CXADR: variants seen among roughly 807,000 people sequenced by gnomAD.
CXADR encodes coxsackievirus and adenovirus receptor.
In CXADR, 20 loss-of-function variants were observed where a neutral mutation model predicts 40.3. The observed-to-expected ratio is 0.50, with a 90% CI of 0.35 to 0.72. CXADR has a LOEUF of 0.72. Ranked by LOEUF, CXADR falls within the 30% of genes least tolerant of loss-of-function variation. The pLI is 0.01. For synonymous variants in CXADR, 150 were observed against 161.3 expected, an observed-to-expected ratio of 0.93 and a Z score of 0.53; for missense variants, 332 against 449.1, an observed-to-expected ratio of 0.74 and a Z score of 2.36.
chr21:17,527,432 A>T (rs919306428), intron 1 of CXADR, among the ~76,000 whole-genome samples: 2 of 152,222 alleles, frequency 1.3e-5, no homozygotes, highest in South Asian at 4.1e-4. Flanking sequence ...AATATTTCTG[A>T]TAAGCAGCCT....
chr21:17,575,266 C>T (rs1194464656), intron 7 of CXADR, among the ~76,000 whole-genome samples: 1 of 151,926 alleles, frequency 6.6e-6, no homozygotes, highest in Non-Finnish European at 1.5e-5. Context: ...CTCACTGCAG[C>T]CTCGATCTTC....
downstream of CXADR, among the ~76,000 whole-genome samples, chr21:17,596,039 A>G (rs1569172458): frequency 6.6e-6 from 1 of 151,824 alleles, no homozygotes; most frequent in East Asian, 1.9e-4. Flanking sequence ...CATTCACATA[A>G]CTCCTTTTGT....
rs544944037 is a variant in CXADR, at chr21:17,591,580, TTAA to T, written c.1018-1570_1018-1568del. The stretch of plus-strand genomic sequence containing the variant: ...ACCAGAAATAAGCACTGCTTTAGTA[TTAA>T]TGTGATAGAACTTACTAAAACTTTT... On this transcript the variant is annotated intron_variant, in intron 7 of 7. Transcript: ENST00000400169. Among the ~76,000 whole-genome samples, 131 of 151,736 alleles carry T rather than the reference TTAA, an allele frequency of 8.6e-4. 1 individual carries two copies. The highest frequency in any genetic ancestry group is 3.1e-3 in the African/African-American group (128 of 41,538).
chr21:17,520,267 A>C (rs1013726128), intron 1 of CXADR, among the ~76,000 whole-genome samples: 17 of 152,176 alleles, frequency 1.1e-4, no homozygotes, highest in Non-Finnish European at 2.2e-4. Context: ...TTCCAGTCAG[A>C]TGGTACAGCT....
chr21:17,552,454 T>C (rs940325542), intron 3 of CXADR, among the ~76,000 whole-genome samples: 1 of 152,212 alleles, frequency 6.6e-6, no homozygotes, highest in African/African-American at 2.4e-5. Context: ...TTCACTGATA[T>C]CTTATAGCCC....
the CXADR span, among the ~76,000 whole-genome samples, chr21:17,629,314 A>G: frequency 6.7e-6 from 1 of 150,212 alleles, no homozygotes; most frequent in African/African-American, 2.5e-5. Flanking sequence ...TGGGAGGCGG[A>G]GAGTGCAGTG....
chr21:17,629,369 G>A, the CXADR span, among the ~76,000 whole-genome samples: 1 of 135,356 alleles, frequency 7.4e-6, no homozygotes, highest in Non-Finnish European at 1.5e-5. Context: ...GACAGAGAGA[G>A]AGAGAGAGAC....
At chr21:17,593,988 C>T (rs2061469526), downstream of CXADR, 3 of 1,316,432 alleles carry the variant, frequency 2.3e-6, no homozygotes, top group South Asian at 4.9e-5. Context: ...GATGGTTTGG[C>T]CCATCTAACT....
the CXADR span, chr21:17,598,603 G>C: frequency 2.5e-6 from 4 of 1,611,172 alleles, no homozygotes; most frequent in South Asian, 4.4e-5. Flanking sequence ...AAACTGAGCT[G>C]TTTTCATGGT....
At chr21:17,530,743 G>T (rs984305570) in intron 1 of CXADR, among the ~76,000 whole-genome samples, 1 of 152,182 alleles carries the variant, frequency 6.6e-6, no homozygotes, top group Non-Finnish European at 1.5e-5. Flanking sequence ...GAGCCCAGGA[G>T]GCAGAGGTTG....
In CXADR at chr21:17,529,795, T is replaced by C. The variant is rs567266193; in HGVS notation, c.43+16623T>C. 3.4e-4 allele frequency among the ~76,000 whole-genome samples: 52 copies of C among 152,252 alleles called. 1 individual carries two copies. The South Asian group carries it at 9.8e-3, about 29-fold the overall frequency. ...CAGACTACCACACAGTTTAGACCATTAATTTTTATAAACGTACAGGGTAGA... is the reference window on the plus strand; with the variant it reads ...CAGACTACCACACAGTTTAGACCATCAATTTTTATAAACGTACAGGGTAGA... On this transcript the variant is annotated intron_variant, in intron 1 of 6. Coordinates refer to ENST00000284878, the MANE Select transcript of CXADR (RefSeq NM_001338.5).
intron 1 of CXADR, chr21:17,518,535 C>G (rs2060489602): frequency 1.0e-6 from 1 of 992,856 alleles, no homozygotes; most frequent in African/African-American, 1.6e-5. Context: ...CAGCTTCATT[C>G]TTTGATGCCT....
chr21:17,579,605 G>A (rs1365667005), intron 7 of CXADR, among the ~76,000 whole-genome samples: 1 of 152,030 alleles, frequency 6.6e-6, no homozygotes, highest in Non-Finnish European at 1.5e-5. Context: ...TCTTTATGAT[G>A]TATAGGTGAG....
the CXADR span, among the ~76,000 whole-genome samples, chr21:17,628,212 G>C: frequency 3.3e-5 from 5 of 152,080 alleles, no homozygotes; most frequent in African/African-American, 1.2e-4. Flanking sequence ...TTTTAGTCAG[G>C]GTTCTCCAGA....
In CXADR at chr21:17,580,506, G is replaced by A. The variant is rs137936090; in HGVS notation, c.1018-12646G>A. Among the ~76,000 whole-genome samples, 1,023 of 152,208 alleles carry A rather than the reference G, an allele frequency of 6.7e-3. 11 individuals are homozygous for A. Among genetic ancestry groups the A allele is most frequent in the South Asian group, 0.02 (97 of 4,812 alleles). On this transcript the variant is annotated intron_variant, in intron 7 of 7. Coordinates refer to the CXADR transcript ENST00000400169. Reference sequence around the variant, plus strand: ...GGTGGCAGGCGCCAGATACTTGGGAGGCTGAAGTAGGAGGATCACCTGAGC... The same window carrying A: ...GGTGGCAGGCGCCAGATACTTGGGAAGCTGAAGTAGGAGGATCACCTGAGC...
the CXADR span, among the ~76,000 whole-genome samples, chr21:17,632,422 C>T: frequency 6.6e-6 from 1 of 152,160 alleles, no homozygotes; most frequent in South Asian, 2.1e-4. Flanking sequence ...ATAAAAAGAA[C>T]AGATAAGGAA....
chr21:17,583,293 T>G (rs1052432310), intron 7 of CXADR, among the ~76,000 whole-genome samples: 4 of 152,192 alleles, frequency 2.6e-5, no homozygotes, highest in African/African-American at 9.7e-5. Context: ...TTAAACTTCT[T>G]GTAATGTTAT....
chr21:17,570,261 G>T, downstream of CXADR: 1 of 870,710 alleles, frequency 1.1e-6, no homozygotes, highest in Non-Finnish European at 1.4e-6. Context: ...ATACATCATT[G>T]AAAACATGTC....
chr21:17,635,289 A>C, the CXADR span, among the ~76,000 whole-genome samples: 1 of 152,240 alleles, frequency 6.6e-6, no homozygotes, highest in East Asian at 1.9e-4. Flanking sequence ...AGAGCTTCTA[A>C]AAATTAATGT....
Sources: gnomAD v4.1 joint callset for allele counts (sites outside exome capture counted in the v4.1 genomes callset) on GRCh38, gnomAD v4.1.1 for gene constraint, MANE v1.5 for transcripts, NCBI Gene and HGNC (gene_info 2026-07-23, HGNC 2026-07-21) for gene names.